GRIP1: variants seen among roughly 807,000 people sequenced by gnomAD.
The protein encoded by GRIP1 is glutamate receptor-interacting protein 1.
In GRIP1, 45 loss-of-function variants were observed where a neutral mutation model predicts 129.9. The observed-to-expected ratio is 0.35, with a 90% CI of 0.27 to 0.44. GRIP1 has a LOEUF of 0.44. Ranked by LOEUF, GRIP1 falls within the 20% of genes least tolerant of loss-of-function variation. The pLI, the probability that GRIP1 is intolerant of heterozygous loss-of-function variation, is 1.00. For missense variants in GRIP1, 1,196 were observed against 1,396.8 expected, an observed-to-expected ratio of 0.86 and a Z score of 2.29; for synonymous variants, 530 against 520.8, an observed-to-expected ratio of 1.02 and a Z score of -0.24.
At chr12:66,657,460 G>A (rs941534788) in intron 1 of GRIP1, among the ~76,000 whole-genome samples, 2 of 152,302 alleles carry the variant, frequency 1.3e-5, no homozygotes, top group Admixed American at 6.5e-5. Context: ...CAAGTAGGGT[G>A]TCCTTCTGTC....
intron 2 of GRIP1, among the ~76,000 whole-genome samples, chr12:66,557,257 G>T (rs2062368578): frequency 6.6e-6 from 1 of 152,080 alleles, no homozygotes; most frequent in South Asian, 2.1e-4. Flanking sequence ...TGATAAAAGG[G>T]TAAATTCAGC....
intron 13 of GRIP1, among the ~76,000 whole-genome samples, chr12:66,440,357 T>C (rs1409648335): frequency 6.6e-6 from 1 of 152,186 alleles, no homozygotes; most frequent in Admixed American, 6.5e-5. Context: ...TATGATTAAA[T>C]TATTTTTTAC....
intron 1 of GRIP1, among the ~76,000 whole-genome samples, chr12:66,964,619 A>C (rs2041969934): frequency 6.6e-6 from 1 of 151,944 alleles, no homozygotes; most frequent in Non-Finnish European, 1.5e-5. Context: ...TGATCCCCCC[A>C]GTTCTTATTT....
chr12:66,395,665 T>C (rs2056759880), intron 16 of GRIP1, among the ~76,000 whole-genome samples: 1 of 152,194 alleles, frequency 6.6e-6, no homozygotes, highest in Non-Finnish European at 1.5e-5. Flanking sequence ...TTCTGAGTGC[T>C]CTACTCAACG....
chr12:66,505,598 G>A (rs2060505350), intron 7 of GRIP1, among the ~76,000 whole-genome samples: 1 of 152,118 alleles, frequency 6.6e-6, no homozygotes. Flanking sequence ...AGTAATGGTG[G>A]GAGGGGTTGG....
chr12:66,900,100 A>G (rs2040821102), intron 1 of GRIP1, among the ~76,000 whole-genome samples: 2 of 152,214 alleles, frequency 1.3e-5, no homozygotes, highest in Non-Finnish European at 2.9e-5. Flanking sequence ...TGGGAGAAGT[A>G]AAGAGATTGG....
chr12:66,957,642 G>T (rs1240702694), intron 1 of GRIP1, among the ~76,000 whole-genome samples: 22 of 152,062 alleles, frequency 1.4e-4, no homozygotes, highest in Admixed American at 1.3e-3. Context: ...CTCATGATTA[G>T]ACTATGGTCA....
At chr12:66,942,506 A>G (rs527247364) in intron 1 of GRIP1, among the ~76,000 whole-genome samples, 18 of 152,342 alleles carry the variant, frequency 1.2e-4, no homozygotes, top group African/African-American at 4.3e-4. Flanking sequence ...CACGAACTGA[A>G]CAATAAGGTA....
At chr12:66,694,327 CTT>C (rs1053196566) in intron 1 of GRIP1, among the ~76,000 whole-genome samples, 14 of 152,214 alleles carry the variant, frequency 9.2e-5, no homozygotes, top group African/African-American at 3.1e-4. Context: ...TTTTAAAAAA[CTT>C]TTTTATTTTG....
chr12:66,480,180 A>T, intron 7 of GRIP1, among the ~76,000 whole-genome samples: 1 of 152,208 alleles, frequency 6.6e-6, no homozygotes, highest in Non-Finnish European at 1.5e-5. Context: ...TCATCATGTC[A>T]GCCCCAAATC....
At chr12:66,665,396 C>T (rs996639074) in intron 1 of GRIP1, among the ~76,000 whole-genome samples, 4 of 152,120 alleles carry the variant, frequency 2.6e-5, no homozygotes, top group African/African-American at 9.7e-5. Flanking sequence ...AGAAAGTGAA[C>T]ATACCTATAT....
intron 1 of GRIP1, among the ~76,000 whole-genome samples, chr12:66,652,423 A>G (rs12316034): frequency 0.016 from 2,510 of 152,326 alleles, 62 homozygotes; most frequent in African/African-American, 0.057. Context: ...CTCCCCAGCC[A>G]CACGGAACTG....
intron 1 of GRIP1, among the ~76,000 whole-genome samples, chr12:66,663,776 A>G (rs1172890594): frequency 2.0e-5 from 3 of 152,218 alleles, no homozygotes; most frequent in Non-Finnish European, 4.4e-5. Flanking sequence ...ACCAGAGAAT[A>G]CTGGCACAGG....
chr12:67,029,353 A>G (rs1416814290), intron 1 of GRIP1, among the ~76,000 whole-genome samples: 2 of 152,188 alleles, frequency 1.3e-5, no homozygotes, highest in East Asian at 3.9e-4. Flanking sequence ...GGCTCAAGCG[A>G]TCCACCTGCC....
At chr12:67,066,576 T>C (rs1408983242) in intron 1 of GRIP1, among the ~76,000 whole-genome samples, 1 of 152,174 alleles carries the variant, frequency 6.6e-6, no homozygotes, top group Non-Finnish European at 1.5e-5. Context: ...ATATTCGAAA[T>C]TGACCTTTTG....
rs1247347762 is a variant in GRIP1, at chr12:66,596,758, T to A, written c.136+89A>T. 5.3e-6 allele frequency: 4 copies of A among 758,166 alleles called. No individual in the cohort carries two copies. In the Admixed American group the frequency reaches 7.5e-5, roughly 14 times the overall value. 47.0% of individuals were successfully genotyped at this position (758,166 alleles called of 1,614,324 possible). ...ATAACATGATTTATTATTATTATTA[T>A]TATTTTTACCAAGTTGGAATTATTT... On this transcript the variant is annotated intron_variant, in intron 2 of 24. Coordinates refer to ENST00000359742, the MANE Select transcript of GRIP1 (RefSeq NM_001366722.1).
intron 2 of GRIP1, among the ~76,000 whole-genome samples, chr12:66,583,851 G>A (rs11176284): frequency 0.13 from 17,349 of 132,166 alleles, 3,543 homozygotes; most frequent in Non-Finnish European, 0.2. Flanking sequence ...TCAGTGTGGC[G>A]ATTCCTCAGG....
At chr12:67,015,549 A>G (rs1455658675) in intron 1 of GRIP1, among the ~76,000 whole-genome samples, 1 of 152,182 alleles carries the variant, frequency 6.6e-6, no homozygotes, top group Non-Finnish European at 1.5e-5. Context: ...AGCACTCTAA[A>G]AAGACTTCTG....
At chr12:66,362,068 A>G (rs1305148622) in intron 23 of GRIP1, among the ~76,000 whole-genome samples, 4 of 151,850 alleles carry the variant, frequency 2.6e-5, no homozygotes, top group Admixed American at 2.6e-4. Context: ...GGCTGGGACA[A>G]GGAAAGAGCT....
Sources: allele counts gnomAD v4.1 joint callset (sites outside exome capture counted in the v4.1 genomes callset), GRCh38; gene constraint gnomAD v4.1.1; transcripts MANE v1.5; gene names NCBI Gene and HGNC (gene_info 2026-07-23, HGNC 2026-07-21).